Variants in GARIN5A observed in about 807,000 individuals in gnomAD.
The protein encoded by GARIN5A is Golgi-associated RAB2 interactor protein 5A.
At chr19:50,476,506 G>C in the GARIN5A span, 1 of 1,571,292 alleles carries the variant, frequency 6.4e-7, no homozygotes, top group Non-Finnish European at 8.6e-7. Context: ...CGCGGCTCTT[G>C]GCTCACAGCC....
chr19:50,469,293 A>G, the GARIN5A span, among the ~76,000 whole-genome samples: 4 of 152,154 alleles, frequency 2.6e-5, no homozygotes, highest in East Asian at 5.8e-4. Flanking sequence ...CCGCCCCCTC[A>G]TCGCCCTGTG....
At chr19:50,467,348 C>T in the GARIN5A span, among the ~76,000 whole-genome samples, 1 of 152,126 alleles carries the variant, frequency 6.6e-6, no homozygotes, top group African/African-American at 2.4e-5. Context: ...CACAGACCCC[C>T]ATATCCCTGG....
At chr19:50,475,489 G>T in the GARIN5A span, 12 of 1,575,748 alleles carry the variant, frequency 7.6e-6, no homozygotes, top group Admixed American at 6.9e-5. Flanking sequence ...GGGCAGGATA[G>T]ATGTCGGGGC....
At chr19:50,471,698 ATACATGCACGTGTGTGTATACG>A in the GARIN5A span, among the ~76,000 whole-genome samples, 1 of 147,132 alleles carries the variant, frequency 6.8e-6, no homozygotes, top group South Asian at 2.1e-4. Flanking sequence ...GTGTATACGC[ATACATGCACGTGTGTGTATACG>A]CATACATGCA....
chr19:50,476,238 G>A, the GARIN5A span: 18,315 of 1,613,460 alleles, frequency 0.011, 721 homozygotes, highest in East Asian at 0.11. Flanking sequence ...CGGAGGAGCA[G>A]AGGGAGAAAG....
At chr19:50,471,642 A>ATATACGCATACATGCACGTGTGTG in the GARIN5A span, among the ~76,000 whole-genome samples, 511 of 108,350 alleles carry the variant, frequency 4.7e-3, 8 homozygotes, top group Admixed American at 6.8e-3. Flanking sequence ...ACATGTGTGT[A>ATATACGCATACATGCACGTGTGTG]TATACGCATA....
chr19:50,469,818 T>A, the GARIN5A span, among the ~76,000 whole-genome samples: 1 of 151,860 alleles, frequency 6.6e-6, no homozygotes, highest in African/African-American at 2.4e-5. Flanking sequence ...CAGACACATA[T>A]GCGCGGATGT....
At chr19:50,468,048 A>G in the GARIN5A span, among the ~76,000 whole-genome samples, 10 of 152,144 alleles carry the variant, frequency 6.6e-5, no homozygotes, top group Non-Finnish European at 1.2e-4. Flanking sequence ...AGACTCGAAT[A>G]TACAACTGCC....
chr19:50,474,586 C>A, the GARIN5A span, among the ~76,000 whole-genome samples: 3 of 152,012 alleles, frequency 2.0e-5, no homozygotes, highest in African/African-American at 7.2e-5. Flanking sequence ...ACCTCGTGAT[C>A]CACCCACCTC....
the GARIN5A span, among the ~76,000 whole-genome samples, chr19:50,472,170 G>GTGCA: frequency 2.7e-5 from 4 of 147,476 alleles, no homozygotes; most frequent in South Asian, 2.1e-4. Context: ...ATGTATACGT[G>GTGCA]TGTATATGTA....
the GARIN5A span, chr19:50,476,609 C>T: frequency 6.4e-7 from 1 of 1,562,390 alleles, no homozygotes; most frequent in Non-Finnish European, 8.6e-7. Flanking sequence ...GTAGCAGCGC[C>T]CAGTCGAGCC....
chr19:50,467,070 GC>G, the GARIN5A span: 1 of 153,006 alleles, frequency 6.5e-6, no homozygotes, highest in African/African-American at 2.4e-5. Flanking sequence ...CTAAGAGGGG[GC>G]ACAGATTCCA....
the GARIN5A span, chr19:50,476,403 GC>G: frequency 6.5e-7 from 1 of 1,548,780 alleles, no homozygotes; most frequent in Non-Finnish European, 8.7e-7. Flanking sequence ...CTGACGTCAG[GC>G]CCCAGGTGCG....
chr19:50,476,206 G>A, the GARIN5A span: 1 of 1,613,740 alleles, frequency 6.2e-7, no homozygotes, highest in Non-Finnish European at 8.5e-7. Flanking sequence ...TCATTGCAAT[G>A]TCCCCGTCCG....
chr19:50,474,229 G>A, the GARIN5A span, among the ~76,000 whole-genome samples: 1 of 151,114 alleles, frequency 6.6e-6, no homozygotes, highest in Non-Finnish European at 1.5e-5. Flanking sequence ...ACCCAGGTTG[G>A]AGTGCAGTGG....
the GARIN5A span, among the ~76,000 whole-genome samples, chr19:50,471,869 T>C: frequency 1.3e-5 from 2 of 151,864 alleles, no homozygotes; most frequent in African/African-American, 2.4e-5. Flanking sequence ...CATGTGTATA[T>C]GTATGCATAC....
the GARIN5A span, chr19:50,467,666 G>A: frequency 8.2e-6 from 13 of 1,581,582 alleles, no homozygotes; most frequent in South Asian, 2.3e-5. Context: ...GAGAGGAAGC[G>A]CAGGCGGTAG....
At chr19:50,476,642 G>A in the GARIN5A span, 3 of 1,540,138 alleles carry the variant, frequency 1.9e-6, no homozygotes, top group Non-Finnish European at 2.6e-6. Flanking sequence ...TGCCGGGCCG[G>A]GACTGGTGCG....
the GARIN5A span, chr19:50,467,419 AGTCC>A: frequency 1.7e-6 from 1 of 605,864 alleles, no homozygotes; most frequent in Non-Finnish European, 2.9e-6. Flanking sequence ...CAGACCCAGG[AGTCC>A]AGGACCCCAG....
Sources: gnomAD v4.1 joint callset for allele counts (sites outside exome capture counted in the v4.1 genomes callset) on GRCh38, gnomAD v4.1.1 for gene constraint, MANE v1.5 for transcripts, NCBI Gene and HGNC (gene_info 2026-07-23, HGNC 2026-07-21) for gene names.